Variants in MARCHF1 observed in about 807,000 individuals in gnomAD.
MARCHF1 encodes membrane associated ring-CH-type finger 1.
Under a neutral mutation model 54.2 loss-of-function variants are expected in MARCHF1, and 40 were observed. That is an observed-to-expected ratio of 0.74 (90% CI 0.57 to 0.96). The LOEUF is 0.96. MARCHF1 is among the 40% of genes least tolerant of loss of function. The probability of loss-of-function intolerance (pLI) is 0.00; values close to 1 mark genes in which losing one functional copy is unlikely to be tolerated. For missense variants in MARCHF1, 586 were observed against 656.5 expected, an observed-to-expected ratio of 0.89 and a Z score of 1.17; for synonymous variants, 236 against 236.3, an observed-to-expected ratio of 1.00 and a Z score of 0.01.
intron 2 of MARCHF1, among the ~76,000 whole-genome samples, chr4:164,050,327 G>A (rs1191146385): frequency 7.5e-6 from 1 of 133,560 alleles, no homozygotes; most frequent in Non-Finnish European, 1.6e-5. Flanking sequence ...TTATCCTTCA[G>A]TTCATCCTCC....
At chr4:163,805,291 T>C (rs756372563) in intron 4 of MARCHF1, among the ~76,000 whole-genome samples, 20 of 152,112 alleles carry the variant, frequency 1.3e-4, no homozygotes, top group Non-Finnish European at 2.9e-5. Flanking sequence ...AAGAATGCCA[T>C]AATTGTGCAT....
At chr4:163,588,766 C>G (rs372454491) in intron 7 of MARCHF1, among the ~76,000 whole-genome samples, 8 of 152,082 alleles carry the variant, frequency 5.3e-5, no homozygotes, top group African/African-American at 1.9e-4. Flanking sequence ...CAGAGACCAT[C>G]TGGCTGCAGA....
chr4:164,122,169 A>T (rs1367270108), intron 1 of MARCHF1, among the ~76,000 whole-genome samples: 1 of 152,142 alleles, frequency 6.6e-6, no homozygotes, highest in African/African-American at 2.4e-5. Flanking sequence ...ACCCTAAAAA[A>T]ACTGGGGATA....
At chr4:163,576,240 C>T (rs1213215812) in intron 8 of MARCHF1, among the ~76,000 whole-genome samples, 2 of 151,880 alleles carry the variant, frequency 1.3e-5, no homozygotes, top group African/African-American at 4.8e-5. Flanking sequence ...TATTTTGTGT[C>T]TCTGTTTTCA....
rs535091901 is a variant in MARCHF1 at position 163,980,314 on chromosome 4, A to G, written c.-39+8187T>C. ...GGTGCTGGGAAAACTGGCTAGCCAT[A>G]TGTAGAAAGCTGAAACTGGATCCCT... On this transcript the variant is annotated intron_variant, in intron 3 of 9. Transcript: ENST00000514618. Among the ~76,000 whole-genome samples, 21 of 136,968 alleles carry G rather than the reference A, an allele frequency of 1.5e-4. No homozygotes were observed. The East Asian group carries it at 4.1e-3, about 27-fold the overall frequency. 89.9% of individuals were successfully genotyped at this position (136,968 alleles called of 152,430 possible). A position where few individuals can be genotyped will look rare whatever the true frequency, so the allele number is the denominator to read the frequency against.
chr4:163,529,102 C>CA, intron 9 of MARCHF1, 56 bp from the exon 10 acceptor site: 1 of 1,368,534 alleles, frequency 7.3e-7, no homozygotes, highest in East Asian at 2.4e-5. Context: ...TGGATTTGGT[C>CA]ATTTTTTTTT....
chr4:163,881,599 A>G (rs1435573837), intron 3 of MARCHF1, among the ~76,000 whole-genome samples: 1 of 152,200 alleles, frequency 6.6e-6, no homozygotes, highest in Non-Finnish European at 1.5e-5. Flanking sequence ...CATCTACAAA[A>G]TAATTGAATG....
At chr4:164,267,878 C>A (rs1343140253) in intron 1 of MARCHF1, among the ~76,000 whole-genome samples, 1 of 152,068 alleles carries the variant, frequency 6.6e-6, no homozygotes, top group Non-Finnish European at 1.5e-5. Context: ...CAGAATCCAG[C>A]TCTCAAACAG....
chr4:163,652,198 A>C (rs1051703632), intron 5 of MARCHF1, among the ~76,000 whole-genome samples: 7 of 151,738 alleles, frequency 4.6e-5, no homozygotes, highest in African/African-American at 1.7e-4. Flanking sequence ...AATATTCTGC[A>C]TTTACTCCTA....
chr4:163,979,971 T>A (rs563795141), intron 3 of MARCHF1, among the ~76,000 whole-genome samples: 1 of 152,152 alleles, frequency 6.6e-6, no homozygotes, highest in African/African-American at 2.4e-5. Flanking sequence ...ATTTTGTAGG[T>A]TGCCTGTTCA....
chr4:164,122,080 G>A (rs1416623810), intron 1 of MARCHF1, among the ~76,000 whole-genome samples: 1 of 152,040 alleles, frequency 6.6e-6, no homozygotes, highest in Admixed American at 6.6e-5. Flanking sequence ...CCAACAGAAT[G>A]AAGGACAAAA....
rs148726147 is a variant in MARCHF1 at position 163,793,751 on chromosome 4, G to A, written c.111+60270C>T. ...GTACAGAAAAGCACTGTGAAAATCC[G>A]TGTCCTGTTCTGTTCTGTTCTAATT... On this transcript the variant is annotated intron_variant, in intron 4 of 9. Transcript: ENST00000514618. 5.3e-5 allele frequency among the ~76,000 whole-genome samples: 8 copies of A among 152,226 alleles called. No homozygotes were observed. The East Asian group carries it at 1.5e-3, about 29-fold the overall frequency.
At chr4:163,816,635 T>G (rs1748541470) in intron 4 of MARCHF1, among the ~76,000 whole-genome samples, 1 of 152,134 alleles carries the variant, frequency 6.6e-6, no homozygotes, top group Non-Finnish European at 1.5e-5. Context: ...ATTTATTTGA[T>G]TCTGACCACA....
intron 4 of MARCHF1, among the ~76,000 whole-genome samples, chr4:163,724,419 A>G (rs1030832305): frequency 1.3e-5 from 2 of 152,136 alleles, no homozygotes; most frequent in African/African-American, 4.8e-5. Flanking sequence ...GTCTGCCCCT[A>G]CTGGGGGGTG....
chr4:164,241,966 C>G (rs1048327752), intron 1 of MARCHF1, among the ~76,000 whole-genome samples: 1 of 152,204 alleles, frequency 6.6e-6, no homozygotes, highest in Admixed American at 6.5e-5. Context: ...ACACCTGGCT[C>G]GGAGGGTCCT....
rs561632382 is a variant in MARCHF1, at chr4:163,573,179, G to C, written c.1191+12570C>G. On this transcript the variant is annotated intron_variant, in intron 8 of 9. Coordinates refer to ENST00000514618, the MANE Select transcript of MARCHF1 (RefSeq NM_001394959.1). ...TGTATCCTGACACTTTACTGAAGTTGTTTATCAGTTTCAGGAGGCCTTTTG... is the reference window on the plus strand; with the variant it reads ...TGTATCCTGACACTTTACTGAAGTTCTTTATCAGTTTCAGGAGGCCTTTTG... Among the ~76,000 whole-genome samples, 6 of 152,086 alleles carry C rather than the reference G, an allele frequency of 3.9e-5. No homozygotes were observed. In the South Asian group the frequency reaches 1.2e-3, roughly 32 times the overall value.
intron 7 of MARCHF1, among the ~76,000 whole-genome samples, chr4:163,601,181 C>A (rs1414621489): frequency 1.3e-5 from 2 of 152,088 alleles, no homozygotes; most frequent in Non-Finnish European, 2.9e-5. Context: ...AAGATGAGAA[C>A]CTAACTGTGG....
At chr4:164,064,205 A>T (rs1319002658) in intron 2 of MARCHF1, among the ~76,000 whole-genome samples, 1 of 152,188 alleles carries the variant, frequency 6.6e-6, no homozygotes, top group Non-Finnish European at 1.5e-5. Flanking sequence ...GAAGAATGTC[A>T]ATTGTAATTT....
At chr4:163,929,958 TATATAATATATATAATATATATAA>T (rs1560823781) in intron 3 of MARCHF1, among the ~76,000 whole-genome samples, 1 of 62,794 alleles carries the variant, frequency 1.6e-5, no homozygotes, top group Non-Finnish European at 3.8e-5. Context: ...ATATATATTA[TATATAATATATATAATATATATAA>T]TATATATATA....
Sources: gnomAD v4.1 joint callset for allele counts (sites outside exome capture counted in the v4.1 genomes callset) on GRCh38, gnomAD v4.1.1 for gene constraint, MANE v1.5 for transcripts, NCBI Gene and HGNC (gene_info 2026-07-23, HGNC 2026-07-21) for gene names.